The following CCDC138 variants were observed in gnomAD, a reference collection of about 807,000 sequenced individuals.
CCDC138 encodes the protein coiled-coil domain containing 138, also known as coiled-coil domain-containing protein 138.
CCDC138 carries 66 observed loss-of-function variants against 82.3 expected under a neutral mutation model. The ratio of observed to expected loss-of-function variants is 0.80; its 90% CI spans 0.66 to 0.98. The LOEUF (loss-of-function observed/expected upper bound fraction) is 0.98. Among genes scored for constraint, CCDC138 ranks in the 50% least tolerant of loss-of-function variants. The pLI is 0.00. For missense variants in CCDC138, 816 were observed against 758.9 expected (o/e 1.08, Z -0.88); for synonymous variants, 297 against 265.4 (o/e 1.12, Z -1.16).
chr2:108,859,149 A>G (rs1167235325), intron 13 of CCDC138, among the ~76,000 whole-genome samples: 1 of 152,146 alleles, frequency 6.6e-6, no homozygotes, highest in Admixed American at 6.5e-5. Flanking sequence ...TTCAAAGATG[A>G]TTAGTGATGT....
At chr2:108,804,680 T>A (rs961148925) in intron 6 of CCDC138, among the ~76,000 whole-genome samples, 6 of 152,212 alleles carry the variant, frequency 3.9e-5, no homozygotes, top group African/African-American at 1.2e-4. Flanking sequence ...ATAAGTATGT[T>A]GTAAATGCCT....
chr2:108,846,521 A>T (rs116297896), intron 11 of CCDC138, among the ~76,000 whole-genome samples: 3,007 of 151,624 alleles, frequency 0.02, 102 homozygotes, highest in African/African-American at 0.069. Context: ...CTACCGAAAA[A>T]AAAAAAAAAC....
intron 10 of CCDC138, among the ~76,000 whole-genome samples, chr2:108,820,508 G>A (rs1055721266): frequency 1.3e-5 from 2 of 151,890 alleles, no homozygotes; most frequent in Non-Finnish European, 2.9e-5. Flanking sequence ...CTCCAGAGAG[G>A]ACAATTCTAA....
At chr2:108,824,220 T>G (rs932572011) in intron 10 of CCDC138, among the ~76,000 whole-genome samples, 4 of 152,230 alleles carry the variant, frequency 2.6e-5, no homozygotes, top group Non-Finnish European at 4.4e-5. Flanking sequence ...TCTTTTTACT[T>G]TATAAACTTT....
At chr2:108,827,827 A>C (rs987115282) in intron 10 of CCDC138, among the ~76,000 whole-genome samples, 33 of 152,022 alleles carry the variant, frequency 2.2e-4, no homozygotes, top group Admixed American at 1.1e-3. Flanking sequence ...AAAAAAAAAA[A>C]AAAAATTAAA....
intron 10 of CCDC138, among the ~76,000 whole-genome samples, chr2:108,831,654 G>C (rs1482558034): frequency 6.6e-6 from 1 of 151,528 alleles, no homozygotes; most frequent in Admixed American, 6.6e-5. Flanking sequence ...AGGTTCCTAG[G>C]TTCTATCCCT....
rs1682640616 is a variant in CCDC138, at chr2:108,805,086, CTT to C, written c.855+79_855+80del. The C allele has an allele frequency of 1.1e-5, 8 of 759,076 alleles. No individual in the cohort carries two copies. In the Admixed American group the frequency reaches 3.1e-4, roughly 29 times the overall value. The allele number at this position is 759,076 out of a possible 1,614,324, so 47.0% of individuals were successfully genotyped here. ...TTATATATAACAAATTAAAGTCAGC[CTT>C]AGAACACGTTTCAGCTAGAGAAAAT... On this transcript the variant is annotated intron_variant, in intron 7 of 14. Coordinates refer to ENST00000295124, the MANE Select transcript of CCDC138 (RefSeq NM_144978.3).
At chr2:108,823,152 A>C (rs1439232814) in intron 10 of CCDC138, among the ~76,000 whole-genome samples, 1 of 152,160 alleles carries the variant, frequency 6.6e-6, no homozygotes, top group Non-Finnish European at 1.5e-5. Context: ...TTACAAAAAA[A>C]CCCAAACCTC....
chr2:108,828,600 G>A (rs560606487), intron 10 of CCDC138, among the ~76,000 whole-genome samples: 2 of 152,324 alleles, frequency 1.3e-5, no homozygotes, highest in South Asian at 4.1e-4. Flanking sequence ...AGTGGAGGAA[G>A]GACAGTCTTT....
chr2:108,838,702 A>G (rs1688974721), intron 10 of CCDC138, among the ~76,000 whole-genome samples: 1 of 152,186 alleles, frequency 6.6e-6, no homozygotes, highest in African/African-American at 2.4e-5. Context: ...ACAAGTAAAT[A>G]GTACTCCAGT....
intron 3 of CCDC138, among the ~76,000 whole-genome samples, chr2:108,789,817 A>G (rs1280855787): frequency 6.6e-6 from 1 of 152,220 alleles, no homozygotes; most frequent in East Asian, 1.9e-4. Flanking sequence ...CTATGGGGAA[A>G]AAATATAAAA....
chr2:108,804,237 G>A (rs1213984142), intron 6 of CCDC138, among the ~76,000 whole-genome samples: 4 of 152,086 alleles, frequency 2.6e-5, no homozygotes, highest in Admixed American at 1.3e-4. Flanking sequence ...GAAAGTGAAA[G>A]GTGAAACTAT....
chr2:108,798,844 CACACACACAT>C (rs1340178646), intron 6 of CCDC138, among the ~76,000 whole-genome samples: 1 of 150,608 alleles, frequency 6.6e-6, no homozygotes, highest in Non-Finnish European at 1.5e-5. Flanking sequence ...CACACACACA[CACACACACAT>C]TTTTTCTGAT....
intron 10 of CCDC138, among the ~76,000 whole-genome samples, chr2:108,830,770 T>C (rs1687436046): frequency 6.6e-6 from 1 of 151,824 alleles, no homozygotes; most frequent in Non-Finnish European, 1.5e-5. Flanking sequence ...ATCACGCCAT[T>C]GCACTCCAGC....
intron 10 of CCDC138, among the ~76,000 whole-genome samples, chr2:108,820,699 C>CAAAAAAAAAA (rs764017401): frequency 1.9e-4 from 12 of 62,580 alleles, no homozygotes; most frequent in African/African-American, 5.3e-4. Flanking sequence ...ATTCAAAGTG[C>CAAAAAAAAAA]AAAAAAAAAA....
chr2:108,862,754 A>G (rs1408239444), intron 13 of CCDC138, among the ~76,000 whole-genome samples: 2 of 152,314 alleles, frequency 1.3e-5, no homozygotes, highest in South Asian at 2.1e-4. Flanking sequence ...ACTATTTTGT[A>G]TCTTTTTTCC....
chr2:108,857,894 T>C (rs72836521), intron 13 of CCDC138, among the ~76,000 whole-genome samples: 4,914 of 152,358 alleles, frequency 0.032, 115 homozygotes, highest in Middle Eastern at 0.078. Flanking sequence ...AGAGATGGCA[T>C]CTTTCTCGTT....
chr2:108,836,557 T>G (rs532371657), intron 10 of CCDC138, among the ~76,000 whole-genome samples: 1 of 152,342 alleles, frequency 6.6e-6, no homozygotes, highest in East Asian at 1.9e-4. Flanking sequence ...AGTTCTATTT[T>G]CAATTTTTGA....
intron 13 of CCDC138, among the ~76,000 whole-genome samples, chr2:108,865,606 C>T (rs1694294985): frequency 6.6e-6 from 1 of 152,170 alleles, no homozygotes; most frequent in South Asian, 2.1e-4. Context: ...TCATGCCAGT[C>T]CTATCCACTT....
Sources: allele counts gnomAD v4.1 joint callset (sites outside exome capture counted in the v4.1 genomes callset), GRCh38; gene constraint gnomAD v4.1.1; transcripts MANE v1.5; gene names NCBI Gene and HGNC (gene_info 2026-07-23, HGNC 2026-07-21).